BABAM2: variants seen among roughly 807,000 people sequenced by gnomAD.
BABAM2 encodes the protein BRISC and BRCA1-A complex member 2.
Under a neutral mutation model 54.7 loss-of-function variants are expected in BABAM2, and 31 were observed. That is an observed-to-expected ratio of 0.57 (90% CI 0.43 to 0.77). The LOEUF (loss-of-function observed/expected upper bound fraction) is 0.77. Among genes scored for constraint, BABAM2 ranks in the 30% least tolerant of loss-of-function variants. The pLI is 0.00. For missense variants in BABAM2, 364 were observed against 455.8 expected (o/e 0.80, Z 1.83); for synonymous variants, 167 against 162.9 (o/e 1.03, Z -0.19).
intron 3 of BABAM2, among the ~76,000 whole-genome samples, chr2:27,972,098 A>G (rs1671263667): frequency 6.6e-6 from 1 of 152,196 alleles, no homozygotes; most frequent in African/African-American, 2.4e-5. Context: ...GAATTAGTCT[A>G]ATTTTCTAAG....
chr2:28,207,512 AC>A (rs1413858125), intron 7 of BABAM2, among the ~76,000 whole-genome samples: 1 of 152,068 alleles, frequency 6.6e-6, no homozygotes, highest in Non-Finnish European at 1.5e-5. Context: ...ACCACTGCAC[AC>A]CAGCCTGGAT....
At chr2:28,161,424 G>T (rs1673082596) in intron 7 of BABAM2, among the ~76,000 whole-genome samples, 1 of 152,140 alleles carries the variant, frequency 6.6e-6, no homozygotes, top group African/African-American at 2.4e-5. Context: ...TGGGTTGGGG[G>T]TAGGTAGAAA....
intron 3 of BABAM2, among the ~76,000 whole-genome samples, chr2:27,976,017 G>T (rs1012757736): frequency 1.3e-5 from 2 of 152,070 alleles, no homozygotes; most frequent in African/African-American, 4.8e-5. Flanking sequence ...GTACCTGTTA[G>T]AATGACTAAA....
rs1671727527 is a variant in BABAM2 at position 28,148,620 on chromosome 2, G to C, written c.680+19240G>C. Among the ~76,000 whole-genome samples, 3 of 152,274 alleles carry C rather than the reference G, an allele frequency of 2.0e-5. No homozygotes were observed. The South Asian group carries it at 6.2e-4, about 32-fold the overall frequency. ...TGGGCCAGGAGCTAGCAGTGATCTA[G>C]CTGCAGCAGATTGGACCTGCTCAGT... is the stretch of plus-strand genomic sequence containing the variant. On this transcript the variant is annotated intron_variant, in intron 7 of 11. Transcript: ENST00000379624.
At chr2:28,029,204 T>C (rs1676119208) in intron 5 of BABAM2, among the ~76,000 whole-genome samples, 1 of 152,248 alleles carries the variant, frequency 6.6e-6, no homozygotes. Context: ...TTGTAAAGTC[T>C]TGAATTTATA....
At chr2:28,250,243 C>G (rs1445747201) in intron 10 of BABAM2, among the ~76,000 whole-genome samples, 1 of 151,810 alleles carries the variant, frequency 6.6e-6, no homozygotes, top group Non-Finnish European at 1.5e-5. Context: ...AGCCCTGAGC[C>G]CTGAGGCAGC....
Position 28,045,813 on chromosome 2 carries a change from AT to A in BABAM2, c.570+18del, listed in dbSNP as rs1331224182. 1.3e-6 allele frequency: 2 copies of A among 1,588,874 alleles called. No individual in the cohort carries two copies. The highest frequency in any genetic ancestry group is 1.7e-6 in the Non-Finnish European group (2 of 1,160,668). On this transcript the variant is annotated intron_variant, in intron 6 of 11. Transcript: ENST00000379624. ...TACCTTCTCAAGGTAAAAATATATG[AT>A]TTTCAGTATGAGAATATAAGTGAGC...
At chr2:28,042,948 C>G (rs988522463) in intron 5 of BABAM2, among the ~76,000 whole-genome samples, 3 of 151,642 alleles carry the variant, frequency 2.0e-5, no homozygotes, top group Non-Finnish European at 2.9e-5. Context: ...GGCGTGAACC[C>G]AGGAGGTGGA....
intron 10 of BABAM2, among the ~76,000 whole-genome samples, chr2:28,285,802 T>G (rs1287486910): frequency 6.6e-6 from 1 of 151,832 alleles, no homozygotes; most frequent in Non-Finnish European, 1.5e-5. Flanking sequence ...ACTCCTGGGC[T>G]CAAGCGATCC....
At chr2:27,967,172 A>G (rs1670894462) in intron 3 of BABAM2, among the ~76,000 whole-genome samples, 1 of 152,178 alleles carries the variant, frequency 6.6e-6, no homozygotes, top group Admixed American at 6.5e-5. Context: ...CTGGAAGATG[A>G]TACGGTTTGG....
intron 4 of BABAM2, among the ~76,000 whole-genome samples, chr2:27,993,395 A>T (rs1273353287): frequency 6.6e-6 from 1 of 152,184 alleles, no homozygotes; most frequent in African/African-American, 2.4e-5. Context: ...TTAAAATTTT[A>T]AAAAGTAGAA....
chr2:27,929,856 C>G lies in BABAM2; in HGVS notation c.153C>G (p.Pro51=). ...KSGCTSLTPG[P]NCDRFKLHIP... ...GCTGCACATCATTGACTCCTGGGCCCAACTGTGACCGATTTAAACTGCACA... is the reference window on the plus strand; with the variant it reads ...GCTGCACATCATTGACTCCTGGGCCGAACTGTGACCGATTTAAACTGCACA... Residue 51 remains proline, a synonymous_variant, in exon 3 of 12, where the codon CCC becomes CCG. Coordinates refer to ENST00000379624, the MANE Select transcript of BABAM2 (RefSeq NM_199191.3). The G allele has an allele frequency of 1.2e-6, 2 of 1,613,752 alleles. No individual in the cohort carries two copies. Among genetic ancestry groups the G allele is most frequent in the Non-Finnish European group, 1.7e-6 (2 of 1,179,766 alleles).
chr2:27,953,122 G>T (rs1479926293), intron 3 of BABAM2, among the ~76,000 whole-genome samples: 1 of 151,902 alleles, frequency 6.6e-6, no homozygotes, highest in East Asian at 1.9e-4. Flanking sequence ...CCTGAGTTTA[G>T]GTGATCCTCC....
At chr2:28,142,631 A>T (rs1391441060) in intron 7 of BABAM2, among the ~76,000 whole-genome samples, 4 of 152,054 alleles carry the variant, frequency 2.6e-5, no homozygotes, top group Non-Finnish European at 5.9e-5. Context: ...ACAGATTTTT[A>T]TAGCCATGTT....
intron 5 of BABAM2, 119 bp downstream of exon 5, chr2:28,025,539 A>G: frequency 1.0e-6 from 1 of 979,808 alleles, no homozygotes; most frequent in Non-Finnish European, 1.4e-6. Context: ...GGTAGCCTAT[A>G]TGTTTCTCAT....
Position 28,094,415 on chromosome 2 carries a change from AATATATTC to A in BABAM2, c.571-34851_571-34844del, listed in dbSNP as rs557583354. Among the ~76,000 whole-genome samples, 135 of 152,274 alleles carry A rather than the reference AATATATTC, an allele frequency of 8.9e-4. 1 individual carries two copies. In the South Asian group the frequency reaches 0.027, roughly 31 times the overall value. On this transcript the variant is annotated intron_variant, in intron 6 of 11. Coordinates refer to ENST00000379624, the MANE Select transcript of BABAM2 (RefSeq NM_199191.3). ...TTGAGTTTGCCACAGAAGTGTTTTTAATATATTCATATGGTTCTGACCTAAGTATCCTA... is the reference window on the plus strand; with the variant it reads ...TTGAGTTTGCCACAGAAGTGTTTTTAATATGGTTCTGACCTAAGTATCCTA...
intron 1 of BABAM2, among the ~76,000 whole-genome samples, chr2:27,893,886 C>T (rs983218573): frequency 1.3e-5 from 2 of 150,208 alleles, no homozygotes; most frequent in Admixed American, 1.3e-4. Context: ...CCCAGCTACT[C>T]GGAAGGCTGA....
chr2:28,210,124 T>A (rs1193976058), intron 7 of BABAM2, among the ~76,000 whole-genome samples: 1 of 152,156 alleles, frequency 6.6e-6, no homozygotes, highest in African/African-American at 2.4e-5. Flanking sequence ...CTTAAATCTT[T>A]TCATCCTTTC....
At chr2:28,202,392 C>G (rs1339052287) in intron 7 of BABAM2, among the ~76,000 whole-genome samples, 1 of 151,958 alleles carries the variant, frequency 6.6e-6, no homozygotes, top group Non-Finnish European at 1.5e-5. Context: ...CCTCCCATGC[C>G]CCTGCCCCTT....
Sources: allele counts gnomAD v4.1 joint callset (sites outside exome capture counted in the v4.1 genomes callset), GRCh38; gene constraint gnomAD v4.1.1; transcripts MANE v1.5; gene names NCBI Gene and HGNC (gene_info 2026-07-23, HGNC 2026-07-21).